CHCHD3: variants seen among roughly 807,000 people sequenced by gnomAD.
CHCHD3 encodes MICOS complex subunit MIC19.
Under a neutral mutation model 38.2 loss-of-function variants are expected in CHCHD3, and 20 were observed. The observed-to-expected ratio is 0.52, with a 90% CI of 0.37 to 0.76. The LOEUF (loss-of-function observed/expected upper bound fraction) is 0.76. Among genes scored for constraint, CHCHD3 ranks in the 30% least tolerant of loss-of-function variants. The probability of loss-of-function intolerance (pLI) is 0.00; values close to 1 mark genes in which losing one functional copy is unlikely to be tolerated. For missense variants in CHCHD3, 245 were observed against 279.2 expected, an observed-to-expected ratio of 0.88 and a Z score of 0.87; for synonymous variants, 82 against 100.0, an observed-to-expected ratio of 0.82 and a Z score of 1.07.
chr7:133,061,664 A>G (rs1376283736), intron 2 of CHCHD3, among the ~76,000 whole-genome samples: 2 of 152,142 alleles, frequency 1.3e-5, no homozygotes, highest in Middle Eastern at 3.2e-3. Context: ...GTATCTTTAT[A>G]GTAATGTGAG....
At chr7:132,952,669 G>A (rs1455820721) in intron 4 of CHCHD3, among the ~76,000 whole-genome samples, 4 of 152,166 alleles carry the variant, frequency 2.6e-5, no homozygotes, top group Admixed American at 6.6e-5. Context: ...CTGATCATAC[G>A]TGTCTGATAA....
At position 132,953,208 on chromosome 7, in the gene CHCHD3, A is replaced by G. The variant is rs186114454; in HGVS notation, c.369+21961T>C. Among the ~76,000 whole-genome samples, 36 of 152,260 alleles carry G rather than the reference A, an allele frequency of 2.4e-4. 1 individual carries two copies. The highest frequency in any genetic ancestry group is 8.4e-4 in the African/African-American group (35 of 41,556). ...TTACTAAGTGATTATAACCTTCTCC[A>G]ATGCTGTGAATTTAATATATTGGCA... On this transcript the variant is annotated intron_variant, in intron 4 of 7. Coordinates refer to ENST00000262570, the MANE Select transcript of CHCHD3 (RefSeq NM_017812.4).
chr7:132,997,362 C>G (rs1812447066), intron 3 of CHCHD3, among the ~76,000 whole-genome samples: 1 of 152,100 alleles, frequency 6.6e-6, no homozygotes, highest in Non-Finnish European at 1.5e-5. Context: ...AAGTTCTAAT[C>G]CATTGTGTCA....
At chr7:132,953,167 G>A (rs770423010) in intron 4 of CHCHD3, among the ~76,000 whole-genome samples, 9 of 152,116 alleles carry the variant, frequency 5.9e-5, no homozygotes, top group Non-Finnish European at 1.3e-4. Context: ...TTCACTCCAC[G>A]TAACTTTCCG....
intron 4 of CHCHD3, among the ~76,000 whole-genome samples, chr7:132,900,299 TTTAAC>T (rs1262154750): frequency 4.5e-5 from 1 of 22,104 alleles, no homozygotes; most frequent in Non-Finnish European, 8.9e-5. Context: ...CATACGGACA[TTTAAC>T]TTATGCAAAC....
intron 7 of CHCHD3, among the ~76,000 whole-genome samples, chr7:132,790,561 T>C (rs1307817863): frequency 6.6e-6 from 1 of 152,116 alleles, no homozygotes; most frequent in African/African-American, 2.4e-5. Flanking sequence ...AAATGGGAAA[T>C]CTATTATGAA....
intron 4 of CHCHD3, among the ~76,000 whole-genome samples, chr7:132,944,766 G>T (rs560336816): frequency 2.0e-5 from 3 of 151,916 alleles, no homozygotes; most frequent in Non-Finnish European, 4.4e-5. Context: ...GTAGGATTAT[G>T]GATGTTTTAC....
intron 4 of CHCHD3, among the ~76,000 whole-genome samples, chr7:132,899,480 A>G (rs761795550): frequency 5.3e-5 from 8 of 152,236 alleles, no homozygotes; most frequent in Non-Finnish European, 8.8e-5. Context: ...CCACATAATC[A>G]GATTTGTTAA....
At chr7:132,787,592 G>A (rs1444858500) in intron 7 of CHCHD3, among the ~76,000 whole-genome samples, 2 of 152,090 alleles carry the variant, frequency 1.3e-5, no homozygotes, top group African/African-American at 2.4e-5. Flanking sequence ...CTAGAAGGAC[G>A]CTGTAGGCCC....
In CHCHD3 at chr7:133,035,027, G is replaced by T. The variant is rs1264415071; in HGVS notation, c.170-10400C>A. ...GTGCCACAGAGAGTGTGTCCTCATT[G>T]GAGTACTTGCGCTTAAATTCATCCA... is the stretch of plus-strand genomic sequence containing the variant. On this transcript the variant is annotated intron_variant, in intron 2 of 7. Transcript: ENST00000262570. The surrounding 1 kb of genome is among the most constrained non-coding windows in gnomAD (Gnocchi z 4.7). 4 of 1,612,868 alleles carry T rather than the reference G, an allele frequency of 2.5e-6. No homozygotes were observed. Among genetic ancestry groups the T allele is most frequent in the Non-Finnish European group, 3.4e-6 (4 of 1,179,398 alleles).
At chr7:133,010,891 T>A (rs1028437292) in intron 3 of CHCHD3, among the ~76,000 whole-genome samples, 1 of 151,974 alleles carries the variant, frequency 6.6e-6, no homozygotes, top group Non-Finnish European at 1.5e-5. Context: ...TATATTCCAG[T>A]GCAGGAGACA....
chr7:132,933,325 G>A (rs535107712), intron 4 of CHCHD3, among the ~76,000 whole-genome samples: 1 of 152,274 alleles, frequency 6.6e-6, no homozygotes, highest in South Asian at 2.1e-4. Flanking sequence ...ATAAGAAGGG[G>A]CCACGTGATT....
Position 132,785,673 on chromosome 7 carries a change from C to T in CHCHD3, c.661-13G>A. On this transcript the variant is annotated splice_polypyrimidine_tract_variant and intron_variant, in intron 7 of 7. Transcript: ENST00000262570. Reference sequence around the variant, plus strand: ...TCTCAAGCATGCTCTGCAAGAAAAACAGAAAGAGTAAGTTTTACCACCGGG... The same window carrying T: ...TCTCAAGCATGCTCTGCAAGAAAAATAGAAAGAGTAAGTTTTACCACCGGG... The T allele has an allele frequency of 6.2e-7, 1 of 1,613,826 alleles. No individual in the cohort carries two copies. Among genetic ancestry groups the T allele is most frequent in the Non-Finnish European group, 8.5e-7 (1 of 1,179,854 alleles).
At position 133,035,969 on chromosome 7, in the gene CHCHD3, G is replaced by A; in HGVS notation, c.170-11342C>T. Reference sequence around the variant, plus strand: ...GATCCAGTCTTAAAAGTGTTATCAGGTAGGGGTCCTTAGGGGAACTGTTTT... The same window carrying A: ...GATCCAGTCTTAAAAGTGTTATCAGATAGGGGTCCTTAGGGGAACTGTTTT... On this transcript the variant is annotated intron_variant, in intron 2 of 7. Transcript: ENST00000262570. The surrounding 1 kb of genome is among the most constrained non-coding windows in gnomAD (Gnocchi z 4.7). The A allele has an allele frequency of 7.6e-7, 1 of 1,310,530 alleles. No individual in the cohort carries two copies. The highest frequency in any genetic ancestry group is 1.1e-6 in the Non-Finnish European group (1 of 921,648). The allele number at this position is 1,310,530 out of a possible 1,614,324, so 81.2% of individuals were successfully genotyped here.
At chr7:132,873,445 G>A (rs978374940) in intron 5 of CHCHD3, among the ~76,000 whole-genome samples, 1 of 144,074 alleles carries the variant, frequency 6.9e-6, no homozygotes, top group Non-Finnish European at 1.5e-5. Context: ...GACGGGTCTC[G>A]CTGTGTCACC....
intron 4 of CHCHD3, among the ~76,000 whole-genome samples, chr7:132,952,323 G>T (rs1490474641): frequency 6.6e-6 from 1 of 152,204 alleles, no homozygotes; most frequent in African/African-American, 2.4e-5. Flanking sequence ...CTCTCTAATT[G>T]TTTGGCAGAG....
At chr7:132,824,535 C>T (rs572933487) in intron 6 of CHCHD3, among the ~76,000 whole-genome samples, 4 of 152,074 alleles carry the variant, frequency 2.6e-5, no homozygotes, top group East Asian at 3.9e-4. Flanking sequence ...AGGATGGTCT[C>T]GATTTCCTGA....
chr7:132,997,365 T>C (rs1812447186), intron 3 of CHCHD3, among the ~76,000 whole-genome samples: 1 of 152,130 alleles, frequency 6.6e-6, no homozygotes, highest in Admixed American at 6.6e-5. Context: ...TTCTAATCCA[T>C]TGTGTCAATG....
At chr7:133,069,432 G>A (rs1396067897) in intron 2 of CHCHD3, among the ~76,000 whole-genome samples, 2 of 152,028 alleles carry the variant, frequency 1.3e-5, no homozygotes, top group Admixed American at 1.3e-4. Context: ...ATCTCACTTA[G>A]TCCAAAATTA....
Sources: allele counts gnomAD v4.1 joint callset (sites outside exome capture counted in the v4.1 genomes callset), GRCh38; gene constraint gnomAD v4.1.1; non-coding constraint Gnocchi (gnomAD v3.1); transcripts MANE v1.5; gene names NCBI Gene and HGNC (gene_info 2026-07-23, HGNC 2026-07-21).